KCNB2: variants seen among roughly 807,000 people sequenced by gnomAD.
KCNB2 encodes the protein potassium voltage-gated channel subfamily B member 2, also known as delayed rectifier potassium channel protein.
In KCNB2, 15 loss-of-function variants were observed where a neutral mutation model predicts 61.5. That is an observed-to-expected ratio of 0.24 (90% CI 0.16 to 0.38). The LOEUF is 0.38. Among genes scored for constraint, KCNB2 ranks in the 10% least tolerant of loss-of-function variants. The probability of loss-of-function intolerance (pLI) is 1.00; values close to 1 mark genes in which losing one functional copy is unlikely to be tolerated. For synonymous variants in KCNB2, 457 were observed against 446.0 expected (o/e 1.02, Z -0.31); for missense variants, 828 against 1,125.2 (o/e 0.74, Z 3.78).
chr8:72,740,446 T>A (rs561678850), intron 2 of KCNB2, among the ~76,000 whole-genome samples: 4 of 152,282 alleles, frequency 2.6e-5, no homozygotes, highest in Admixed American at 2.6e-4. Context: ...CACTGTCCCC[T>A]ACTAAAAAGT....
chr8:72,631,396 A>G (rs13262025), intron 2 of KCNB2, among the ~76,000 whole-genome samples: 60,155 of 152,104 alleles, frequency 0.4, 13,973 homozygotes, highest in Non-Finnish European at 0.52. Flanking sequence ...TTTGCTGGCA[A>G]TCCTTAACAT....
chr8:72,810,862 T>C (rs1809296178), intron 2 of KCNB2, among the ~76,000 whole-genome samples: 1 of 152,218 alleles, frequency 6.6e-6, no homozygotes. Flanking sequence ...GGGATGGACA[T>C]TCTTATCTAA....
chr8:72,648,607 T>C (rs1244774990), intron 2 of KCNB2, among the ~76,000 whole-genome samples: 1 of 151,810 alleles, frequency 6.6e-6, no homozygotes, highest in African/African-American at 2.4e-5. Context: ...TTAATAGTTT[T>C]GAGTAAAATA....
intron 2 of KCNB2, among the ~76,000 whole-genome samples, chr8:72,587,234 A>G (rs796671532): frequency 7.2e-5 from 11 of 152,236 alleles, no homozygotes; most frequent in African/African-American, 2.4e-4. Context: ...ACCCTGAATA[A>G]CAATCCACTT....
intron 1 of KCNB2, among the ~76,000 whole-genome samples, chr8:72,552,930 C>T (rs1015476713): frequency 4.0e-5 from 6 of 151,762 alleles, no homozygotes; most frequent in Non-Finnish European, 8.8e-5. Flanking sequence ...TTACTGTTTC[C>T]TTTTTTGACG....
At chr8:72,850,192 T>A (rs1328444918) in intron 2 of KCNB2, among the ~76,000 whole-genome samples, 3 of 27,402 alleles carry the variant, frequency 1.1e-4, no homozygotes, top group Non-Finnish European at 3.6e-4. Flanking sequence ...TGTATGTAAG[T>A]GTGTGTGTGT....
chr8:72,740,715 T>A (rs1156687436), intron 2 of KCNB2, among the ~76,000 whole-genome samples: 1 of 152,126 alleles, frequency 6.6e-6, no homozygotes, highest in African/African-American at 2.4e-5. Context: ...CCAAAGAAAA[T>A]CCCTCAGCCT....
intron 2 of KCNB2, among the ~76,000 whole-genome samples, chr8:72,638,408 T>C (rs1806001496): frequency 6.6e-6 from 1 of 152,130 alleles, no homozygotes. Flanking sequence ...CCTAGCACAC[T>C]GACCACCGGG....
chr8:72,885,719 C>G (rs1805795554), intron 2 of KCNB2, among the ~76,000 whole-genome samples: 1 of 151,990 alleles, frequency 6.6e-6, no homozygotes, highest in South Asian at 2.1e-4. Flanking sequence ...TTTCTCCTGC[C>G]TTTTTCCTTT....
chr8:72,892,583 T>C (rs993477745), intron 2 of KCNB2, among the ~76,000 whole-genome samples: 3 of 152,298 alleles, frequency 2.0e-5, no homozygotes, highest in African/African-American at 7.2e-5. Flanking sequence ...ACCATCCATA[T>C]TTTGTAGATG....
intron 2 of KCNB2, among the ~76,000 whole-genome samples, chr8:72,718,627 A>C (rs1188485615): frequency 7.1e-6 from 1 of 140,164 alleles, no homozygotes; most frequent in Non-Finnish European, 1.5e-5. Context: ...GAACACATGG[A>C]CACAGGAAGG....
intron 1 of KCNB2, among the ~76,000 whole-genome samples, chr8:72,546,634 T>A (rs1806262899): frequency 6.6e-6 from 1 of 152,098 alleles, no homozygotes; most frequent in Non-Finnish European, 1.5e-5. Context: ...AACAATAGAT[T>A]TTTAAAATTT....
At chr8:72,566,536 A>G (rs1240284270) in intron 1 of KCNB2, among the ~76,000 whole-genome samples, 2 of 2,972 alleles carry the variant, frequency 6.7e-4, no homozygotes, top group East Asian at 0.11. Flanking sequence ...CCTGTCTCTA[A>G]AAAAAAAAAA....
chr8:72,567,945 G>C lies in KCNB2; in HGVS notation c.211G>C (p.Glu71Gln). ...LGKLRDCNTH[E>Q]SLLEVCDDYN... is the part of the protein sequence containing the mutation. ...GAAGCTTCGAGACTGCAACACACAC[G>C]AGAGCCTCCTGGAAGTGTGCGACGA... Residue 71 changes from glutamate to glutamine, a missense_variant, in exon 2 of 3, where the codon GAG becomes CAG. Glu to Gln is a conservative substitution (Grantham distance 29, BLOSUM62 2). Transcript: ENST00000523207. 1 of 1,613,916 alleles carries C rather than the reference G, an allele frequency of 6.2e-7. No individual in the cohort carries two copies. The highest frequency in any genetic ancestry group is 8.5e-7 in the Non-Finnish European group (1 of 1,179,924).
intron 2 of KCNB2, among the ~76,000 whole-genome samples, chr8:72,653,806 A>T (rs1210109906): frequency 1.3e-5 from 2 of 152,198 alleles, no homozygotes; most frequent in Non-Finnish European, 2.9e-5. Context: ...TGTTGATGGC[A>T]TATGTGTCTG....
chr8:72,596,107 G>A (rs1464961893), intron 2 of KCNB2, among the ~76,000 whole-genome samples: 9 of 152,136 alleles, frequency 5.9e-5, no homozygotes, highest in African/African-American at 9.7e-5. Flanking sequence ...AACCTTCACA[G>A]CAGCCCTAGG....
At chr8:72,893,273 A>T (rs1805931764) in intron 2 of KCNB2, among the ~76,000 whole-genome samples, 1 of 152,128 alleles carries the variant, frequency 6.6e-6, no homozygotes, top group African/African-American at 2.4e-5. Context: ...TTCATGTCCC[A>T]AGTCCTATTA....
At chr8:72,901,257 TG>T (rs1486934865) in intron 2 of KCNB2, among the ~76,000 whole-genome samples, 1 of 151,832 alleles carries the variant, frequency 6.6e-6, no homozygotes, top group Non-Finnish European at 1.5e-5. Context: ...GAGGGGGAGG[TG>T]GCAGACTATC....
intron 2 of KCNB2, among the ~76,000 whole-genome samples, chr8:72,776,556 G>A (rs1217484847): frequency 2.6e-5 from 4 of 152,206 alleles, no homozygotes; most frequent in Non-Finnish European, 4.4e-5. Context: ...GGCGCTTTCA[G>A]TGTGGGATTT....
Sources: gnomAD v4.1 joint callset for allele counts (sites outside exome capture counted in the v4.1 genomes callset) on GRCh38, gnomAD v4.1.1 for gene constraint, MANE v1.5 for transcripts, NCBI Gene and HGNC (gene_info 2026-07-23, HGNC 2026-07-21) for gene names.